TRMT11: variants seen among roughly 807,000 people sequenced by gnomAD.
The protein encoded by TRMT11 is tRNA methyltransferase 11.
TRMT11 carries 53 observed loss-of-function variants against 62.8 expected under a neutral mutation model. That is an observed-to-expected ratio of 0.84 (90% CI 0.68 to 1.06). The LOEUF (loss-of-function observed/expected upper bound fraction) is 1.06. Ranked by LOEUF, TRMT11 falls within the 50% of genes least tolerant of loss-of-function variation. The probability of loss-of-function intolerance (pLI) is 0.00; values close to 1 mark genes in which losing one functional copy is unlikely to be tolerated. For synonymous variants in TRMT11, 188 were observed against 190.3 expected, an observed-to-expected ratio of 0.99 and a Z score of 0.10; for missense variants, 556 against 553.4, an observed-to-expected ratio of 1.00 and a Z score of -0.05.
rs570178300 is a variant in TRMT11 at position 126,049,584 on chromosome 6, G to A, written c.*1370-3539G>A. Among the ~76,000 whole-genome samples, 5 of 152,208 alleles carry A rather than the reference G, an allele frequency of 3.3e-5. No homozygotes were observed. The East Asian group carries it at 9.7e-4, about 29-fold the overall frequency. ...ATTGGTGATTGGTTGATGTCTATGGGAGTTCCATGCATGGATTTAAATAAT... is the reference window on the plus strand; with the variant it reads ...ATTGGTGATTGGTTGATGTCTATGGAAGTTCCATGCATGGATTTAAATAAT... On this transcript the variant is annotated intron_variant and NMD_transcript_variant, in intron 16 of 22. Transcript: ENST00000648977.
chr6:125,992,693 A>G (rs1790813235), intron 1 of TRMT11, among the ~76,000 whole-genome samples: 1 of 152,242 alleles, frequency 6.6e-6, no homozygotes, highest in Non-Finnish European at 1.5e-5. Context: ...AGTATTTGGA[A>G]GAGCTGAAAA....
intron 12 of TRMT11, among the ~76,000 whole-genome samples, chr6:126,032,803 A>G (rs1340987161): frequency 6.6e-6 from 1 of 152,202 alleles, no homozygotes; most frequent in Non-Finnish European, 1.5e-5. Flanking sequence ...TTATGGAAAG[A>G]ATACTGACTT....
chr6:126,002,640 C>T (rs1792700395), intron 7 of TRMT11, among the ~76,000 whole-genome samples: 1 of 151,916 alleles, frequency 6.6e-6, no homozygotes, highest in African/African-American at 2.4e-5. Flanking sequence ...ATCTCCTATC[C>T]CCCACTCCTT....
chr6:126,237,674 G>A, the TRMT11 span, among the ~76,000 whole-genome samples: 126 of 152,056 alleles, frequency 8.3e-4, no homozygotes, highest in Middle Eastern at 3.4e-3. Context: ...GGGTGAGACC[G>A]GGTCTCATAA....
At chr6:126,085,391 T>C (rs1292853747) in intron 17 of TRMT11, among the ~76,000 whole-genome samples, 1 of 152,176 alleles carries the variant, frequency 6.6e-6, no homozygotes, top group Non-Finnish European at 1.5e-5. Context: ...AATGAACCTA[T>C]TCTAATTTCA....
At chr6:126,149,346 T>A (rs560253523) in intron 21 of TRMT11, among the ~76,000 whole-genome samples, 85 of 152,348 alleles carry the variant, frequency 5.6e-4, no homozygotes, top group Non-Finnish European at 1.1e-3. Flanking sequence ...TCTAAGAGAA[T>A]CATTTTGATA....
At chr6:126,242,887 G>A in the TRMT11 span, among the ~76,000 whole-genome samples, 2 of 152,168 alleles carry the variant, frequency 1.3e-5, no homozygotes, top group African/African-American at 2.4e-5. Context: ...AGGACTTCAT[G>A]TCTAAAACAC....
At chr6:126,041,609 C>G (rs1775881994), downstream of TRMT11, among the ~76,000 whole-genome samples, 1 of 151,996 alleles carries the variant, frequency 6.6e-6, no homozygotes, top group South Asian at 2.1e-4. Context: ...ATTTTCCATC[C>G]CATTGTAATA....
the TRMT11 span, among the ~76,000 whole-genome samples, chr6:126,253,092 G>C: frequency 7.0e-6 from 1 of 142,270 alleles, no homozygotes; most frequent in Admixed American, 7.4e-5. Context: ...AATGTCTTTG[G>C]ATTTAATGAA....
intron 21 of TRMT11, among the ~76,000 whole-genome samples, chr6:126,127,367 A>G (rs1777729745): frequency 6.6e-6 from 1 of 152,118 alleles, no homozygotes; most frequent in Non-Finnish European, 1.5e-5. Context: ...CATGGAAGAA[A>G]GGGTAAATGA....
Position 126,130,820 on chromosome 6 carries a change from G to T in TRMT11, c.*1823+14965G>T, listed in dbSNP as rs529904312. On this transcript the variant is annotated intron_variant and NMD_transcript_variant, in intron 21 of 22. Transcript: ENST00000648977. Reference sequence around the variant, plus strand: ...CATCCAACTCCATGGGAAAACATTAGCAGTGACAAATGACTCTGGATGAAT... The same window carrying T: ...CATCCAACTCCATGGGAAAACATTATCAGTGACAAATGACTCTGGATGAAT... Among the ~76,000 whole-genome samples, 32 of 152,216 alleles carry T rather than the reference G, an allele frequency of 2.1e-4. No homozygotes were observed. The East Asian group carries it at 5.6e-3, about 27-fold the overall frequency.
intron 12 of TRMT11, among the ~76,000 whole-genome samples, chr6:126,033,436 G>C (rs1346176820): frequency 6.6e-6 from 1 of 152,056 alleles, no homozygotes; most frequent in Non-Finnish European, 1.5e-5. Context: ...CTGTATTTTT[G>C]ATATATAGTT....
At chr6:125,995,155 A>G (rs1791291057) in intron 2 of TRMT11, among the ~76,000 whole-genome samples, 1 of 152,176 alleles carries the variant, frequency 6.6e-6, no homozygotes. Context: ...AGAAAAAAGA[A>G]AAAAGCTAGG....
chr6:126,102,392 C>G (rs1359794020), intron 17 of TRMT11, among the ~76,000 whole-genome samples: 1 of 152,004 alleles, frequency 6.6e-6, no homozygotes, highest in Non-Finnish European at 1.5e-5. Flanking sequence ...ATATCTTTAT[C>G]TTTGCCACCC....
At chr6:126,040,918 C>T (rs2128087929), downstream of TRMT11, among the ~76,000 whole-genome samples, 1 of 152,116 alleles carries the variant, frequency 6.6e-6, no homozygotes, top group South Asian at 2.1e-4. Context: ...CCAAAGTGGC[C>T]AGCAGATTTT....
chr6:126,241,915 T>A, the TRMT11 span, among the ~76,000 whole-genome samples: 1 of 152,308 alleles, frequency 6.6e-6, no homozygotes. Flanking sequence ...TTCAATATAG[T>A]GTTGGAAACT....
chr6:126,214,592 T>A, the TRMT11 span, among the ~76,000 whole-genome samples: 1 of 152,022 alleles, frequency 6.6e-6, no homozygotes, highest in Non-Finnish European at 1.5e-5. Context: ...TCCCTTTTCA[T>A]CTCTGATTTA....
chr6:126,139,707 GT>G (rs533911472), intron 21 of TRMT11, among the ~76,000 whole-genome samples: 2 of 151,894 alleles, frequency 1.3e-5, no homozygotes, highest in African/African-American at 4.8e-5. Flanking sequence ...TATCTATATA[GT>G]TTTTTTTGAT....
chr6:126,102,466 T>C (rs1777412971), intron 17 of TRMT11, among the ~76,000 whole-genome samples: 1 of 149,866 alleles, frequency 6.7e-6, no homozygotes, highest in Non-Finnish European at 1.5e-5. Flanking sequence ...AGCAAACCAC[T>C]TCAGGAGGAT....
Sources: gnomAD v4.1 joint callset for allele counts (sites outside exome capture counted in the v4.1 genomes callset) on GRCh38, gnomAD v4.1.1 for gene constraint, MANE v1.5 for transcripts, NCBI Gene and HGNC (gene_info 2026-07-23, HGNC 2026-07-21) for gene names.